Variants in KCNC1 observed in about 807,000 individuals in gnomAD.
KCNC1 encodes potassium voltage-gated channel subfamily C member 1.
In KCNC1, 8 loss-of-function variants were observed where a neutral mutation model predicts 43.4. The ratio of observed to expected loss-of-function variants is 0.18; its 90% confidence interval spans 0.11 to 0.33. The LOEUF is 0.33. Among genes scored for constraint, KCNC1 ranks in the 10% least tolerant of loss-of-function variants. The pLI is 1.00. For missense variants in KCNC1, 420 were observed against 836.0 expected, an observed-to-expected ratio of 0.50 and a Z score of 6.14; for synonymous variants, 361 against 360.5, an observed-to-expected ratio of 1.00 and a Z score of -0.01.
At chr11:17,757,579 G>C (rs1849035849) in intron 1 of KCNC1, among the ~76,000 whole-genome samples, 1 of 152,214 alleles carries the variant, frequency 6.6e-6, no homozygotes, top group Admixed American at 6.5e-5. Context: ...CTGCAGATGA[G>C]ATCATTGAAC....
rs1590088845 is a variant in KCNC1, at chr11:17,736,122, C to G, written c.120C>G (p.Pro40=). 13 of 1,611,118 alleles carry G rather than the reference C, an allele frequency of 8.1e-6. No homozygotes were observed. Among genetic ancestry groups the G allele is most frequent in the Non-Finnish European group, 1.1e-5 (13 of 1,179,060 alleles). Residue 40 remains proline, a synonymous_variant, in exon 1 of 4, where the codon CCC becomes CCG. Coordinates refer to ENST00000265969, the MANE Select transcript of KCNC1 (RefSeq NM_001112741.2). The surrounding 1 kb of genome is among the most constrained non-coding windows in gnomAD (Gnocchi z 9.3). ...PGTRLAWLAE[P]DAHSHFDYDP... ...CGCGGCTCGCCTGGCTGGCGGAGCC[C>G]GACGCCCACAGCCACTTCGACTATG...
In KCNC1 at chr11:17,772,615, A is replaced by G; in HGVS notation, c.1504+17A>G. On this transcript the variant is annotated intron_variant, in intron 2 of 3. Transcript: ENST00000265969. Reference sequence around the variant, plus strand: ...ACAGAGCAGGTAGGAAACCTCTTAGAGGCATGTCGATCTGACCTTTCACCT... The same window carrying G: ...ACAGAGCAGGTAGGAAACCTCTTAGGGGCATGTCGATCTGACCTTTCACCT... The G allele has an allele frequency of 6.2e-7, 1 of 1,607,934 alleles. No individual in the cohort carries two copies.
chr11:17,738,798 C>T (rs1262046209), intron 1 of KCNC1, among the ~76,000 whole-genome samples: 3 of 152,182 alleles, frequency 2.0e-5, no homozygotes, highest in Non-Finnish European at 4.4e-5. Flanking sequence ...GCTGGGCGCC[C>T]GGTGGTCGGG....
chr11:17,774,291 G>T, intron 2 of KCNC1: 1 of 985,492 alleles, frequency 1.0e-6, no homozygotes. Flanking sequence ...GCTGGCCCAG[G>T]CCCCAGCTTC....
intron 1 of KCNC1, among the ~76,000 whole-genome samples, chr11:17,762,359 G>A (rs1159496475): frequency 6.6e-6 from 1 of 152,224 alleles, no homozygotes; most frequent in African/African-American, 2.4e-5. Context: ...GGGCGGGAGG[G>A]TCCACCGGAG....
chr11:17,764,916 C>T (rs922540273), intron 1 of KCNC1, among the ~76,000 whole-genome samples: 1 of 152,238 alleles, frequency 6.6e-6, no homozygotes, highest in African/African-American at 2.4e-5. Context: ...ATCCCGCCTG[C>T]TCTGCATCAC....
rs796656649 is a variant in KCNC1, at chr11:17,742,782, A to G, written c.570+6210A>G. ...CAAGACAACACAGGGAATCAGTGAG[A>G]CTCAAACTCACAGCCTAGGCCTCTG... On this transcript the variant is annotated intron_variant, in intron 1 of 3. Coordinates refer to ENST00000265969, the MANE Select transcript of KCNC1 (RefSeq NM_001112741.2). This position sits in a 1 kb window ranked among gnomAD's most constrained non-coding sequence, Gnocchi z 4.2. Among the ~76,000 whole-genome samples the G allele has an allele frequency of 1.3e-5, 2 of 152,284 alleles. No individual in the cohort carries two copies. Among genetic ancestry groups the G allele is most frequent in the African/African-American group, 4.8e-5 (2 of 41,546 alleles).
intron 1 of KCNC1, among the ~76,000 whole-genome samples, chr11:17,753,023 G>T (rs151170868): frequency 1.6e-3 from 240 of 152,334 alleles, no homozygotes; most frequent in African/African-American, 5.6e-3. Context: ...ATAGATGGGT[G>T]GCTGAAGGTC....
chr11:17,745,792 C>T (rs1168886426), intron 1 of KCNC1, among the ~76,000 whole-genome samples: 1 of 152,202 alleles, frequency 6.6e-6, no homozygotes, highest in African/African-American at 2.4e-5. Context: ...TCTCACACCC[C>T]CTCCAGGTCT....
intron 2 of KCNC1, chr11:17,775,925 C>T (rs564063633): frequency 2.0e-6 from 2 of 985,526 alleles, no homozygotes; most frequent in Non-Finnish European, 2.4e-6. Context: ...CTATCCCCAG[C>T]CCCTCTACTT....
At chr11:17,752,826 G>C (rs1399713393) in intron 1 of KCNC1, among the ~76,000 whole-genome samples, 1 of 152,214 alleles carries the variant, frequency 6.6e-6, no homozygotes, top group East Asian at 1.9e-4. Context: ...AGAGCGCTTA[G>C]AATAGGCCTG....
rs10534547 is a variant in KCNC1 at position 17,739,673 on chromosome 11, CTGTGTGTGTGTGTG to C, written c.570+3117_570+3130del. ...GTATATGTGGAGCTCATGTGTGAGT[CTGTGTGTGTGTGTG>C]TGTGTGTGTGTGTGTACATGCGTGT... On this transcript the variant is annotated intron_variant, in intron 1 of 3. Coordinates refer to ENST00000265969, the MANE Select transcript of KCNC1 (RefSeq NM_001112741.2). This position sits in a 1 kb window ranked among gnomAD's most constrained non-coding sequence, Gnocchi z 4.2. 7.7e-5 allele frequency among the ~76,000 whole-genome samples: 11 copies of C among 143,118 alleles called. No individual in the cohort carries two copies. Among genetic ancestry groups the C allele is most frequent in the African/African-American group, 2.6e-4 (10 of 39,152 alleles). 93.9% of individuals were successfully genotyped at this position (143,118 alleles called of 152,430 possible). A position where few individuals can be genotyped will look rare whatever the true frequency, so the allele number is the denominator to read the frequency against.
chr11:17,772,691 C>A, intron 2 of KCNC1, 93 bp downstream of exon 2: 1 of 1,542,636 alleles, frequency 6.5e-7, no homozygotes, highest in Non-Finnish European at 8.7e-7. Context: ...TTCCTTAGTT[C>A]CGTGGGTGAC....
rs2133808704 is a variant in KCNC1 at position 17,776,871 on chromosome 11, A to T, written c.1505-2585A>T. On this transcript the variant is annotated intron_variant, in intron 2 of 3. Coordinates refer to ENST00000265969, the MANE Select transcript of KCNC1 (RefSeq NM_001112741.2). This position sits in a 1 kb window ranked among gnomAD's most constrained non-coding sequence, Gnocchi z 4.4. ...GGAGGGAGAATGCCCCAGTTTCTGA[A>T]AGCATCTTAAACCATAGATAGACGA... is the stretch of plus-strand genomic sequence containing the variant. 4 of 985,338 alleles carry T rather than the reference A, an allele frequency of 4.1e-6. No individual in the cohort carries two copies. Among genetic ancestry groups the T allele is most frequent in the Non-Finnish European group, 4.8e-6 (4 of 829,998 alleles). 61.0% of individuals were successfully genotyped at this position (985,338 alleles called of 1,614,324 possible).
In KCNC1 at chr11:17,773,880, C is replaced by A; in HGVS notation, c.1504+1282C>A. The A allele has an allele frequency of 9.1e-6, 9 of 985,476 alleles. No individual in the cohort carries two copies. Among genetic ancestry groups the A allele is most frequent in the Non-Finnish European group, 1.1e-5 (9 of 829,960 alleles). 61.0% of individuals were successfully genotyped at this position (985,476 alleles called of 1,614,324 possible). On this transcript the variant is annotated intron_variant, in intron 2 of 3. Transcript: ENST00000265969. This position sits in a 1 kb window ranked among gnomAD's most constrained non-coding sequence, Gnocchi z 4.1. ...GTGGCATTTAGTCTATGAAGGACCT[C>A]CCCATGCCCAGGTCTGGCAGGAGGC...
rs1279299321 is a variant in KCNC1, at chr11:17,736,443, C to G, written c.441C>G (p.Asp147Glu). The G allele has an allele frequency of 3.1e-6, 5 of 1,605,214 alleles. No homozygotes were observed. Among genetic ancestry groups the G allele is most frequent in the Non-Finnish European group, 4.2e-6 (5 of 1,178,090 alleles). The change falls in exon 1 of 4, where the codon GAC becomes GAG. Residue 147 changes from aspartate (D) to glutamate (E), a missense_variant. Asp to Glu is a conservative substitution (Grantham distance 45). Around this residue, in one of 5 missense-constraint regions of KCNC1, gnomAD observed 151 missense variants for 216.7 expected, o/e 0.70. Transcript: ENST00000265969. This position sits in a 1 kb window ranked among gnomAD's most constrained non-coding sequence, Gnocchi z 9.3. Reference sequence around the variant, plus strand: ...CTGGCGACTCGGGCGACGGCGAGGACGAGCTGGAGATGACCAAGCGCCTGG... The same window carrying G: ...CTGGCGACTCGGGCGACGGCGAGGAGGAGCTGGAGATGACCAAGCGCCTGG... Reference protein sequence around the residue: ...DGPGDSGDGEDELEMTKRLAL... With the variant: ...DGPGDSGDGEEELEMTKRLAL...
Position 17,777,950 on chromosome 11 carries a change from G to C in KCNC1, c.1505-1506G>C, listed in dbSNP as rs568752805. The stretch of plus-strand genomic sequence containing the variant: ...GCGTGTAGTTACATGATGTGAACAG[G>C]ATCACGGGAGAGTGTTCAATCGGGT... On this transcript the variant is annotated intron_variant, in intron 2 of 3. Coordinates refer to ENST00000265969, the MANE Select transcript of KCNC1 (RefSeq NM_001112741.2). This position sits in a 1 kb window ranked among gnomAD's most constrained non-coding sequence, Gnocchi z 4.3. The C allele has an allele frequency of 1.7e-6, 1 of 591,138 alleles. No individual in the cohort carries two copies. Among genetic ancestry groups the C allele is most frequent in the Admixed American group, 6.3e-5 (1 of 15,800 alleles). The allele number at this position is 591,138 out of a possible 1,614,324, so 36.6% of individuals were successfully genotyped here. A position where few individuals can be genotyped will look rare whatever the true frequency, so the allele number is the denominator to read the frequency against.
intron 1 of KCNC1, among the ~76,000 whole-genome samples, chr11:17,741,592 A>G (rs1848842809): frequency 6.6e-6 from 1 of 151,762 alleles, no homozygotes; most frequent in Non-Finnish European, 1.5e-5. Context: ...TTTATCCTCC[A>G]CCTGGCAACC....
At chr11:17,758,473 T>C (rs1256855564) in intron 1 of KCNC1, among the ~76,000 whole-genome samples, 1 of 152,228 alleles carries the variant, frequency 6.6e-6, no homozygotes, top group Non-Finnish European at 1.5e-5. Flanking sequence ...GTAAATTCTT[T>C]CCAGAAGGTT....
Sources: gnomAD v4.1 joint callset for allele counts (sites outside exome capture counted in the v4.1 genomes callset) on GRCh38, gnomAD v4.1.1 for gene constraint, gnomAD v4.1.1 regional missense constraint, Gnocchi (gnomAD v3.1) non-coding constraint, MANE v1.5 for transcripts, NCBI Gene and HGNC (gene_info 2026-07-23, HGNC 2026-07-21) for gene names.